TPCN1: variants seen among roughly 807,000 people sequenced by gnomAD.
TPCN1 encodes two pore segment channel 1.
A neutral mutation model predicts 108.8 loss-of-function variants in TPCN1; 52 were observed. The ratio of observed to expected loss-of-function variants is 0.48; its 90% CI spans 0.38 to 0.60. The LOEUF is 0.60. Among genes scored for constraint, TPCN1 ranks in the 20% least tolerant of loss-of-function variants. TPCN1 has a pLI of 0.00. For missense variants in TPCN1, 806 were observed against 1,072.8 expected, an observed-to-expected ratio of 0.75 and a Z score of 3.47; for synonymous variants, 446 against 433.7, an observed-to-expected ratio of 1.03 and a Z score of -0.35.
intron 3 of TPCN1, among the ~76,000 whole-genome samples, chr12:113,261,665 G>T (rs7297651): frequency 1.5e-4 from 23 of 152,142 alleles, no homozygotes; most frequent in African/African-American, 5.1e-4. Context: ...TTGACCTCAG[G>T]TGATCCGCCG....
chr12:113,288,839 C>T lies in TPCN1; in HGVS notation c.1788C>T (p.Asn596=), dbSNP rs373805583. The part of the protein sequence containing the change: ...MEFFCGIVFP[N]CCNTSTVADA... ...TCTTCTGCGGGATCGTCTTCCCCAACTGCTGCAAGTGAGTAGGCCCCACCC... is the reference window on the plus strand; with the variant it reads ...TCTTCTGCGGGATCGTCTTCCCCAATTGCTGCAAGTGAGTAGGCCCCACCC... The change falls in exon 21 of 28, where the codon AAC becomes AAT. Residue 596 remains asparagine, a synonymous_variant. Coordinates refer to ENST00000335509, the MANE Select transcript of TPCN1 (RefSeq NM_017901.6). This position sits in a 1 kb window ranked among gnomAD's most constrained non-coding sequence, Gnocchi z 4.8. 1.7e-5 allele frequency: 28 copies of T among 1,613,634 alleles called. No homozygotes were observed. The African/African-American group carries it at 3.5e-4, about 20-fold the overall frequency.
chr12:113,229,467 T>C (rs947495653), intron 2 of TPCN1, among the ~76,000 whole-genome samples: 1 of 152,230 alleles, frequency 6.6e-6, no homozygotes, highest in African/African-American at 2.4e-5. Flanking sequence ...AGCGTCCCCC[T>C]GTCCCTGCTG....
At position 113,267,871 on chromosome 12, in the gene TPCN1, T is replaced by C; in HGVS notation, c.443T>C (p.Leu148Pro). 2 of 1,614,070 alleles carry C rather than the reference T, an allele frequency of 1.2e-6. No homozygotes were observed. The highest frequency in any genetic ancestry group is 1.7e-6 in the Non-Finnish European group (2 of 1,179,938). ...YVHATLELFA[L>P]MVVVFELCMK... ...CACGCCACCCTGGAGCTGTTTGCCC[T>C]GATGGTGGTAGTGTTTGAACTCTGC... Residue 148 changes from leucine to proline, a missense_variant, in exon 5 of 28, where the codon CTG (leucine) becomes CCG (proline). Physicochemically the swap from Leu to Pro is moderately conservative, Grantham distance 98. Transcript: ENST00000335509.
rs557333583 is a variant in TPCN1 at position 113,233,665 on chromosome 12, G to T, written c.112+6701G>T. On this transcript the variant is annotated intron_variant, in intron 2 of 27. Coordinates refer to ENST00000335509, the MANE Select transcript of TPCN1 (RefSeq NM_017901.6). The stretch of plus-strand genomic sequence containing the variant: ...TGGGGAGAGGATGTGCCTGGGTCAG[G>T]GTATGTGCAGTCATAATCATGGCCT... 6.6e-5 allele frequency among the ~76,000 whole-genome samples: 10 copies of T among 152,336 alleles called. No homozygotes were observed. The East Asian group carries it at 1.9e-3, about 29-fold the overall frequency.
At position 113,273,132 on chromosome 12, in the gene TPCN1, C is replaced by T. The variant is rs759535132; in HGVS notation, c.784-100C>T. ...AGGGATTCCTTGAGAGATGCAAGAG[C>T]GGTCAAGGCAGGGCATGCCAGGTGG... On this transcript the variant is annotated intron_variant, in intron 8 of 27. Coordinates refer to ENST00000335509, the MANE Select transcript of TPCN1 (RefSeq NM_017901.6). The surrounding 1 kb of genome is among the most constrained non-coding windows in gnomAD (Gnocchi z 4.0). 1.3e-4 allele frequency: 134 copies of T among 1,013,642 alleles called. No homozygotes were observed. Among genetic ancestry groups the T allele is most frequent in the Middle Eastern group, 4.1e-4 (2 of 4,904 alleles). The allele number at this position is 1,013,642 out of a possible 1,614,324, so 62.8% of individuals were successfully genotyped here.
chr12:113,285,951 G>A lies in TPCN1; in HGVS notation c.1516G>A (p.Gly506Arg), dbSNP rs1442679518. 8 of 1,613,988 alleles carry A rather than the reference G, an allele frequency of 5.0e-6. No homozygotes were observed. The highest frequency in any genetic ancestry group is 1.6e-4 in the Middle Eastern group (1 of 6,084). Residue 506 changes from glycine to arginine, a missense_variant, in exon 18 of 28, where the codon GGA (glycine) becomes AGA (arginine). Transcript: ENST00000335509. ...GLGPVEYLSSGWNLFDFSVTV... is the reference protein window; with the variant it reads ...GLGPVEYLSSRWNLFDFSVTV... Reference sequence around the variant, plus strand: ...GGGCCCTGTGGAGTACTTGTCTTCCGGATGGAACTTGTGAGTGGACAGCAT... The same window carrying A: ...GGGCCCTGTGGAGTACTTGTCTTCCAGATGGAACTTGTGAGTGGACAGCAT...
At chr12:113,270,587 T>C (rs1282432431) in intron 7 of TPCN1, among the ~76,000 whole-genome samples, 1 of 152,060 alleles carries the variant, frequency 6.6e-6, no homozygotes, top group Non-Finnish European at 1.5e-5. Flanking sequence ...TTCAAGTGAT[T>C]CTCCTGCCTC....
In TPCN1 at chr12:113,230,283, C is replaced by CTTTTTTTTTT. The variant is rs71086152; in HGVS notation, c.112+3333_112+3342dup. 6.4e-5 allele frequency among the ~76,000 whole-genome samples: 7 copies of CTTTTTTTTTT among 108,942 alleles called. 1 individual carries two copies. Among genetic ancestry groups the CTTTTTTTTTT allele is most frequent in the Non-Finnish European group, 1.1e-4 (6 of 53,606 alleles). The allele number at this position is 108,942 out of a possible 152,430, so 71.5% of individuals were successfully genotyped here. On this transcript the variant is annotated intron_variant, in intron 2 of 27. Transcript: ENST00000335509. ...CTACTAGGCCCTGAGATCCATTCAT[C>CTTTTTTTTTT]TTTTTTTTTTTTTTTTTTTTTTTGA...
chr12:113,236,471 G>A (rs939764109), intron 2 of TPCN1, among the ~76,000 whole-genome samples: 7 of 152,252 alleles, frequency 4.6e-5, no homozygotes, highest in Middle Eastern at 3.4e-3. Context: ...CTTAGGAAGA[G>A]GTGGAGTTTG....
At chr12:113,237,384 T>C (rs547622698) in intron 2 of TPCN1, among the ~76,000 whole-genome samples, 1 of 151,452 alleles carries the variant, frequency 6.6e-6, no homozygotes, top group South Asian at 2.1e-4. Flanking sequence ...TGAGTTAGAG[T>C]CTTGCTCTGT....
At position 113,288,930 on chromosome 12, in the gene TPCN1, C is replaced by T; in HGVS notation, c.1796+83C>T. On this transcript the variant is annotated intron_variant, in intron 21 of 27. Coordinates refer to ENST00000335509, the MANE Select transcript of TPCN1 (RefSeq NM_017901.6). The surrounding 1 kb of genome is among the most constrained non-coding windows in gnomAD (Gnocchi z 4.8). ...AGGGCCAGGATTGGTGTCCTTGTGG[C>T]CTTGGGGTCCTCGGGGATGTTCCTG... The T allele has an allele frequency of 2.2e-6, 3 of 1,384,274 alleles. No individual in the cohort carries two copies. The highest frequency in any genetic ancestry group is 3.1e-6 in the Non-Finnish European group (3 of 978,620). The allele number at this position is 1,384,274 out of a possible 1,614,324, so 85.7% of individuals were successfully genotyped here. A position where few individuals can be genotyped will look rare whatever the true frequency, so the allele number is the denominator to read the frequency against.
intron 2 of TPCN1, among the ~76,000 whole-genome samples, chr12:113,258,707 A>G (rs1348800491): frequency 6.6e-6 from 1 of 152,080 alleles, no homozygotes. Flanking sequence ...CTTGAACTCA[A>G]GAGTTTAAGA....
intron 2 of TPCN1, among the ~76,000 whole-genome samples, chr12:113,246,507 T>C (rs544288567): frequency 1.3e-5 from 2 of 152,334 alleles, no homozygotes; most frequent in South Asian, 2.1e-4. Flanking sequence ...GCTTGCTGGC[T>C]GTGGGAGCCA....
intron 27 of TPCN1, among the ~76,000 whole-genome samples, chr12:113,294,439 C>T (rs1406360773): frequency 6.6e-6 from 1 of 151,912 alleles, no homozygotes; most frequent in African/African-American, 2.4e-5. Context: ...CCAGCCTGGC[C>T]AACATGGTGA....
In TPCN1 at chr12:113,277,305, T is replaced by C. The variant is rs201796511; in HGVS notation, c.1125T>C (p.Ser375=). ...TGCGCTTCTACAAGCCCCGGATGAG[T>C]GCCAGGGAGCGCTATCTTACCTTCA... ...GLMRFYKPRM[S]ARERYLTFKA... The change falls in exon 12 of 28, where the codon AGT becomes AGC. Residue 375 remains serine, a synonymous_variant. Coordinates refer to ENST00000335509, the MANE Select transcript of TPCN1 (RefSeq NM_017901.6). 177 of 1,613,924 alleles carry C rather than the reference T, an allele frequency of 1.1e-4. No homozygotes were observed. The highest frequency in any genetic ancestry group is 2.2e-5 in the East Asian group (1 of 44,890).
intron 1 of TPCN1, among the ~76,000 whole-genome samples, chr12:113,223,433 G>GT (rs1167268590): frequency 9.8e-6 from 1 of 101,742 alleles, no homozygotes; most frequent in African/African-American, 4.6e-5. Context: ...GATCTGCTGA[G>GT]TCTTTTTTTT....
Position 113,293,003 on chromosome 12 carries a change from G to C in TPCN1, c.2183G>C (p.Arg728Pro). 1 of 1,613,314 alleles carries C rather than the reference G, an allele frequency of 6.2e-7. No individual in the cohort carries two copies. The highest frequency in any genetic ancestry group is 8.5e-7 in the Non-Finnish European group (1 of 1,180,004). ...CTGGTTGCCGTCCTGGAGCTCTACCGGGAGGCACGGGGGGCCTCCTCGGAT... is the reference window on the plus strand; with the variant it reads ...CTGGTTGCCGTCCTGGAGCTCTACCCGGAGGCACGGGGGGCCTCCTCGGAT... ...EELVAVLELY[R>P]EARGASSDVT... The change falls in exon 26 of 28, where the codon CGG becomes CCG. Residue 728 changes from arginine to proline, a missense_variant. Coordinates refer to ENST00000335509, the MANE Select transcript of TPCN1 (RefSeq NM_017901.6).
Position 113,266,170 on chromosome 12 carries a change from A to G in TPCN1, c.238-10A>G. ...AGGCTTACATGCCCACACTACTCTC[A>G]TCTTTTCAGGAAGGCGAGAACAACG... On this transcript the variant is annotated splice_polypyrimidine_tract_variant and intron_variant, in intron 3 of 27. Transcript: ENST00000335509. This position sits in a 1 kb window ranked among gnomAD's most constrained non-coding sequence, Gnocchi z 4.2. 6.2e-7 allele frequency: 1 copy of G among 1,613,710 alleles called. No individual in the cohort carries two copies. The highest frequency in any genetic ancestry group is 8.5e-7 in the Non-Finnish European group (1 of 1,179,820).
intron 2 of TPCN1, among the ~76,000 whole-genome samples, chr12:113,254,404 G>T (rs889144784): frequency 3.3e-5 from 5 of 152,170 alleles, no homozygotes; most frequent in Admixed American, 2.6e-4. Flanking sequence ...ATTCTACACG[G>T]ATGTAGATGC....
Sources: allele counts gnomAD v4.1 joint callset (sites outside exome capture counted in the v4.1 genomes callset), GRCh38; gene constraint gnomAD v4.1.1; non-coding constraint Gnocchi (gnomAD v3.1); transcripts MANE v1.5; gene names NCBI Gene and HGNC (gene_info 2026-07-23, HGNC 2026-07-21).